ANKRD11: variants seen among roughly 807,000 people sequenced by gnomAD.
ANKRD11 encodes the protein ankyrin repeat domain-containing protein 11.
A neutral mutation model predicts 195.7 loss-of-function variants in ANKRD11; 17 were observed. The observed-to-expected ratio is 0.09, with a 90% CI of 0.06 to 0.13. The LOEUF (loss-of-function observed/expected upper bound fraction) is 0.13. Among genes scored for constraint, ANKRD11 ranks in the 10% least tolerant of loss-of-function variants. The probability of loss-of-function intolerance (pLI) is 1.00; values close to 1 mark genes in which losing one functional copy is unlikely to be tolerated. For synonymous variants in ANKRD11, 1,953 were observed against 1,528.1 expected, an observed-to-expected ratio of 1.28 and a Z score of -6.49; for missense variants, 3,735 against 3,566.1, an observed-to-expected ratio of 1.05 and a Z score of -1.21.
chr16:89,450,757 A>T (rs564230488), intron 1 of ANKRD11, among the ~76,000 whole-genome samples: 1 of 152,278 alleles, frequency 6.6e-6, no homozygotes, highest in Admixed American at 6.5e-5. Context: ...CCAGCCTCCA[A>T]AACTGGCGGG....
At chr16:89,275,515 AGAG>A (rs2033578548) in intron 9 of ANKRD11, among the ~76,000 whole-genome samples, 1 of 152,224 alleles carries the variant, frequency 6.6e-6, no homozygotes, top group East Asian at 1.9e-4. Flanking sequence ...CCAACTGTGC[AGAG>A]GAGATACAGC....
At chr16:89,411,184 C>T (rs756650511) in intron 2 of ANKRD11, among the ~76,000 whole-genome samples, 5 of 152,280 alleles carry the variant, frequency 3.3e-5, no homozygotes, top group Non-Finnish European at 5.9e-5. Context: ...GGCCACGCCT[C>T]CATGACGGTG....
At chr16:89,478,644 G>A (rs939855634) in intron 1 of ANKRD11, among the ~76,000 whole-genome samples, 14 of 152,158 alleles carry the variant, frequency 9.2e-5, no homozygotes, top group African/African-American at 2.9e-4. Context: ...TACAGGCCAC[G>A]TCCTCTCCTC....
In ANKRD11 at chr16:89,428,934, T is replaced by C. The variant is rs2042847789; in HGVS notation, c.-144-10566A>G. Among the ~76,000 whole-genome samples the C allele has an allele frequency of 5.9e-5, 9 of 152,166 alleles. 1 individual carries two copies. In the South Asian group the frequency reaches 1.9e-3, roughly 31 times the overall value. On this transcript the variant is annotated intron_variant, in intron 1 of 12. Transcript: ENST00000301030. ...AAAAATAAGAATACACCACTGTCCC[T>C]GAATGTGCACTGTTCTTTTAATTTA...
chr16:89,391,144 T>C (rs1415745308), intron 2 of ANKRD11, among the ~76,000 whole-genome samples: 4 of 147,944 alleles, frequency 2.7e-5, no homozygotes, highest in Non-Finnish European at 4.4e-5. Flanking sequence ...AGGAGAATGG[T>C]GTGAACCCGG....
At chr16:89,483,655 C>A (rs1215679326) in intron 1 of ANKRD11, among the ~76,000 whole-genome samples, 3 of 151,924 alleles carry the variant, frequency 2.0e-5, no homozygotes, top group Non-Finnish European at 4.4e-5. Context: ...ACGGAGAAAC[C>A]CCGTCTCTAC....
At chr16:89,432,354 G>A (rs1282235641) in intron 1 of ANKRD11, among the ~76,000 whole-genome samples, 1 of 151,914 alleles carries the variant, frequency 6.6e-6, no homozygotes, top group Non-Finnish European at 1.5e-5. Context: ...TCCCCAGGCT[G>A]GCAGCCGCTG....
intron 2 of ANKRD11, among the ~76,000 whole-genome samples, chr16:89,365,039 A>C (rs1051996139): frequency 6.6e-6 from 1 of 152,236 alleles, no homozygotes; most frequent in Non-Finnish European, 1.5e-5. Flanking sequence ...ATTCTGTTTT[A>C]TAGGTAACAA....
At chr16:89,426,276 A>T (rs1442217248) in intron 1 of ANKRD11, among the ~76,000 whole-genome samples, 3 of 152,302 alleles carry the variant, frequency 2.0e-5, no homozygotes, top group East Asian at 1.9e-4. Flanking sequence ...AAAGGCATGA[A>T]ATCAAACTAG....
At position 89,284,275 on chromosome 16, in the gene ANKRD11, T is replaced by G. The variant is rs1166221441; in HGVS notation, c.2267A>C (p.Glu756Ala). Residue 756 changes from glutamate (E) to alanine (A), a missense_variant, in exon 9 of 13, where the codon GAA becomes GCA. Physicochemically the swap from Glu to Ala is moderately radical, Grantham distance 107 (BLOSUM62 -1). Coordinates refer to ENST00000301030, the MANE Select transcript of ANKRD11 (RefSeq NM_013275.6). ...CTCCTCTTTGTACAGTCTCAGTTTTTCTTCTTTCGGAGACTTTTCCTTCAG... is the reference window on the plus strand; with the variant it reads ...CTCCTCTTTGTACAGTCTCAGTTTTGCTTCTTTCGGAGACTTTTCCTTCAG... ...RSLKEKSPKEEKLRLYKEERK... is the reference protein window; with the variant it reads ...RSLKEKSPKEAKLRLYKEERK... 1 of 1,613,992 alleles carries G rather than the reference T, an allele frequency of 6.2e-7. No homozygotes were observed. Among genetic ancestry groups the G allele is most frequent in the Admixed American group, 1.7e-5 (1 of 60,026 alleles).
intron 1 of ANKRD11, among the ~76,000 whole-genome samples, chr16:89,461,243 T>G (rs959912683): frequency 1.4e-4 from 19 of 136,378 alleles, no homozygotes; most frequent in Non-Finnish European, 2.5e-4. Flanking sequence ...GAAAGCAGAT[T>G]GGTGGTCAGG....
At chr16:89,445,734 G>A (rs2043756099) in intron 1 of ANKRD11, among the ~76,000 whole-genome samples, 1 of 152,110 alleles carries the variant, frequency 6.6e-6, no homozygotes, top group Admixed American at 6.6e-5. Context: ...CAGCACTTTG[G>A]GAGGCTGAGG....
intron 1 of ANKRD11, among the ~76,000 whole-genome samples, chr16:89,474,737 T>C (rs1018988719): frequency 2.4e-4 from 37 of 152,202 alleles, no homozygotes; most frequent in African/African-American, 8.9e-4. Context: ...AATTATTTCA[T>C]ACTCAATCAC....
chr16:89,381,882 TC>T (rs1197748838), intron 2 of ANKRD11, among the ~76,000 whole-genome samples: 1 of 152,250 alleles, frequency 6.6e-6, no homozygotes, highest in African/African-American at 2.4e-5. Context: ...CACAGGCCAC[TC>T]ACGTGGTGAC....
Position 89,291,794 on chromosome 16 carries a change from A to G in ANKRD11, c.227-611T>C. The stretch of plus-strand genomic sequence containing the variant: ...TGGAGGCATCTGAAGGCATCAACAC[A>G]GAGCACTAACAAGACACGGTGTGAG... On this transcript the variant is annotated intron_variant, in intron 4 of 12. Coordinates refer to ENST00000301030, the MANE Select transcript of ANKRD11 (RefSeq NM_013275.6). This position sits in a 1 kb window ranked among gnomAD's most constrained non-coding sequence, Gnocchi z 5.3. 4 of 1,288,538 alleles carry G rather than the reference A, an allele frequency of 3.1e-6. No individual in the cohort carries two copies. The South Asian group carries it at 3.7e-5, about 12-fold the overall frequency. The allele number at this position is 1,288,538 out of a possible 1,614,324, so 79.8% of individuals were successfully genotyped here.
rs950810915 is a variant in ANKRD11 at position 89,462,280 on chromosome 16, A to G, written c.-145+27965T>C. On this transcript the variant is annotated intron_variant, in intron 1 of 12. Transcript: ENST00000301030. ...GAGACGGGGTTTCGCTGTGTTGGCC[A>G]GGCCGGTCTCCAGCCCCTAACCGCA... is the stretch of plus-strand genomic sequence containing the variant. Among the ~76,000 whole-genome samples the G allele has an allele frequency of 7.9e-5, 12 of 152,170 alleles. No individual in the cohort carries two copies. The East Asian group carries it at 2.1e-3, about 27-fold the overall frequency.
chr16:89,383,899 G>A (rs747243474), intron 2 of ANKRD11, among the ~76,000 whole-genome samples: 15 of 152,112 alleles, frequency 9.9e-5, no homozygotes, highest in Non-Finnish European at 2.1e-4. Context: ...ACAAACACCC[G>A]CTAGGGCCTT....
At chr16:89,301,695 C>T in intron 4 of ANKRD11, 1 of 398,730 alleles carries the variant, frequency 2.5e-6, no homozygotes, top group Non-Finnish European at 4.4e-6. Context: ...AGCCTCCAGG[C>T]TGCTGTGCAG....
chr16:89,271,019 G>T, intron 11 of ANKRD11, 110 bp from the exon 12 acceptor site: 1 of 994,400 alleles, frequency 1.0e-6, no homozygotes. Context: ...CAACCACAGG[G>T]GGAGCCTCAT....
Sources: allele counts gnomAD v4.1 joint callset (sites outside exome capture counted in the v4.1 genomes callset), GRCh38; gene constraint gnomAD v4.1.1; non-coding constraint Gnocchi (gnomAD v3.1); transcripts MANE v1.5; gene names NCBI Gene and HGNC (gene_info 2026-07-23, HGNC 2026-07-21).